The following RTN4 variants were observed in gnomAD, a reference collection of about 807,000 sequenced individuals.
The protein encoded by RTN4 is reticulon 4.
A neutral mutation model predicts 90.4 loss-of-function variants in RTN4; 32 were observed. That is an observed-to-expected ratio of 0.35 (90% CI 0.27 to 0.48). The LOEUF (loss-of-function observed/expected upper bound fraction) is 0.48. Among genes scored for constraint, RTN4 ranks in the 20% least tolerant of loss-of-function variants. The pLI, the probability that RTN4 is intolerant of heterozygous loss-of-function variation, is 0.99. For synonymous variants in RTN4, 629 were observed against 552.5 expected, an observed-to-expected ratio of 1.14 and a Z score of -1.94; for missense variants, 1,706 against 1,430.2, an observed-to-expected ratio of 1.19 and a Z score of -3.11.
At position 55,026,961 on chromosome 2, in the gene RTN4, T is replaced by C. The variant is rs749220120; in HGVS notation, c.1138A>G (p.Met380Val). Residue 380 changes from methionine (M) to valine (V), a missense_variant, in exon 3 of 9, where the codon ATG becomes GTG. Transcript: ENST00000337526. ...TTGAAGTCTGCATATTCCTCCCTCA[T>C]AGGAGCTTCCACTGCAACTCTCTTT... is the stretch of plus-strand genomic sequence containing the variant. ...NEKRVAVEAPMREEYADFKPF... is the reference protein window; with the variant it reads ...NEKRVAVEAPVREEYADFKPF... 7 of 1,613,538 alleles carry C rather than the reference T, an allele frequency of 4.3e-6. No individual in the cohort carries two copies. Among genetic ancestry groups the C allele is most frequent in the East Asian group, 2.2e-5 (1 of 44,878 alleles).
At chr2:55,098,919 T>G (rs1667801241) in intron 1 of RTN4, among the ~76,000 whole-genome samples, 1 of 152,156 alleles carries the variant, frequency 6.6e-6, no homozygotes. Flanking sequence ...ACAAGAAACT[T>G]GGTAAGATTT....
chr2:55,064,413 T>C (rs1443960558), intron 2 of RTN4, among the ~76,000 whole-genome samples: 2 of 149,170 alleles, frequency 1.3e-5, no homozygotes, highest in Non-Finnish European at 3.0e-5. Context: ...CAGTGGCACT[T>C]GATCTCGGCT....
intron 1 of RTN4, among the ~76,000 whole-genome samples, chr2:55,081,496 A>T (rs1343171122): frequency 1.3e-5 from 2 of 152,156 alleles, no homozygotes; most frequent in African/African-American, 4.8e-5. Flanking sequence ...TGCCATTATG[A>T]ATACTAAACA....
intron 1 of RTN4, among the ~76,000 whole-genome samples, chr2:55,036,324 G>T (rs1026279666): frequency 6.6e-6 from 1 of 152,048 alleles, no homozygotes; most frequent in African/African-American, 2.4e-5. Context: ...ACAATAGGTC[G>T]CACGCAGTGG....
Position 55,071,415 on chromosome 2 carries a change from C to G in RTN4, c.-63+9074G>C, listed in dbSNP as rs13390380. Among the ~76,000 whole-genome samples, 19 of 152,016 alleles carry G rather than the reference C, an allele frequency of 1.2e-4. 1 individual carries two copies. Among genetic ancestry groups the G allele is most frequent in the African/African-American group, 4.6e-4 (19 of 41,398 alleles). On this transcript the variant is annotated intron_variant, in intron 2 of 3. Coordinates refer to the RTN4 transcript ENST00000427710. ...TAAAAGAAAATGTAACCAGACATAA[C>G]TAAGTCATTACGGTCTTTTCAGAAA...
At chr2:55,102,375 T>C (rs1170745277) in intron 1 of RTN4, among the ~76,000 whole-genome samples, 2 of 152,186 alleles carry the variant, frequency 1.3e-5, no homozygotes, top group Non-Finnish European at 2.9e-5. Context: ...TGGACCATGC[T>C]GTCTCTGCCA....
intron 3 of RTN4, among the ~76,000 whole-genome samples, chr2:54,992,821 G>A (rs994751426): frequency 2.6e-5 from 4 of 151,976 alleles, no homozygotes; most frequent in South Asian, 2.1e-4. Context: ...TGTAATCTCA[G>A]CACTTTAGAA....
chr2:55,046,718 T>C (rs1667763674), intron 1 of RTN4: 1 of 152,202 alleles, frequency 6.6e-6, no homozygotes, highest in Non-Finnish European at 1.5e-5. Context: ...CAATAATGGG[T>C]TGAATTAATG....
At chr2:54,984,630 T>A (rs1176625719) in intron 4 of RTN4, among the ~76,000 whole-genome samples, 1 of 152,240 alleles carries the variant, frequency 6.6e-6, no homozygotes, top group Non-Finnish European at 1.5e-5. Context: ...CTGACATTTA[T>A]GTGATATTAA....
Position 54,990,124 on chromosome 2 carries a change from G to A in RTN4, c.3014-2426C>T, listed in dbSNP as rs1402957735. Among the ~76,000 whole-genome samples, 4 of 152,120 alleles carry A rather than the reference G, an allele frequency of 2.6e-5. No individual in the cohort carries two copies. The South Asian group carries it at 6.2e-4, about 24-fold the overall frequency. On this transcript the variant is annotated intron_variant, in intron 3 of 8. Transcript: ENST00000337526. Reference sequence around the variant, plus strand: ...AGTCACTAAAGTCCTCTATATTTCAGTTTCTTCATCTATAAAATGTATATT... The same window carrying A: ...AGTCACTAAAGTCCTCTATATTTCAATTTCTTCATCTATAAAATGTATATT...
At chr2:55,082,464 G>T (rs1668739944) in intron 1 of RTN4, among the ~76,000 whole-genome samples, 3 of 152,122 alleles carry the variant, frequency 2.0e-5, no homozygotes, top group Admixed American at 2.0e-4. Context: ...TCCCCAGCAA[G>T]CCCAGCCTTG....
chr2:54,974,577 G>T (rs771225233), intron 6 of RTN4, 118 bp downstream of exon 6: 1 of 879,370 alleles, frequency 1.1e-6, no homozygotes, highest in East Asian at 2.6e-5. Context: ...TACCGCGCCC[G>T]GCCCACATTT....
the RTN4 span, among the ~76,000 whole-genome samples, chr2:55,131,133 A>G: frequency 6.6e-6 from 1 of 152,002 alleles, no homozygotes; most frequent in East Asian, 1.9e-4. Flanking sequence ...GCTAGAGTGC[A>G]GTGGTACAAT....
At chr2:55,057,699 G>T (rs1347868305) in intron 2 of RTN4, among the ~76,000 whole-genome samples, 1 of 152,162 alleles carries the variant, frequency 6.6e-6, no homozygotes, top group Non-Finnish European at 1.5e-5. Context: ...ACTAAGAGTA[G>T]TTCACCCAGG....
At chr2:55,118,797 C>T in the RTN4 span, among the ~76,000 whole-genome samples, 1 of 152,198 alleles carries the variant, frequency 6.6e-6, no homozygotes, top group Non-Finnish European at 1.5e-5. Flanking sequence ...GAGGACGCAA[C>T]CGTTCTGTTC....
At chr2:55,065,084 G>A (rs1000588137) in intron 2 of RTN4, among the ~76,000 whole-genome samples, 1 of 152,188 alleles carries the variant, frequency 6.6e-6, no homozygotes, top group Admixed American at 6.5e-5. Context: ...TATGTTACTG[G>A]TTGATATCTG....
intron 4 of RTN4, among the ~76,000 whole-genome samples, chr2:54,984,984 A>C (rs1370395590): frequency 2.6e-5 from 4 of 152,120 alleles, no homozygotes; most frequent in Admixed American, 6.5e-5. Context: ...CTAAGAAGGA[A>C]ATAAATCACT....
At position 55,026,121 on chromosome 2, in the gene RTN4, C is replaced by G. The variant is rs373548844; in HGVS notation, c.1978G>C (p.Glu660Gln). 6.2e-7 allele frequency: 1 copy of G among 1,613,444 alleles called. No homozygotes were observed. The highest frequency in any genetic ancestry group is 8.5e-7 in the Non-Finnish European group (1 of 1,179,798). ...TTTAGTGATACACTCATGGCCTCTT[C>G]ATATGGTGGGGGGTTTTCAGGCTCA... ...KHEPENPPPYEEAMSVSLKKV... is the reference protein window; with the variant it reads ...KHEPENPPPYQEAMSVSLKKV... Residue 660 changes from glutamate to glutamine, a missense_variant, in exon 3 of 9, where the codon GAA becomes CAA. By Grantham distance (29) the Glu-to-Gln change is conservative. Transcript: ENST00000337526.
intron 2 of RTN4, among the ~76,000 whole-genome samples, chr2:55,067,563 C>T (rs1410876259): frequency 6.6e-6 from 1 of 152,088 alleles, no homozygotes; most frequent in African/African-American, 2.4e-5. Context: ...CAGGCATATG[C>T]CACCACACCG....
Sources: gnomAD v4.1 joint callset for allele counts (sites outside exome capture counted in the v4.1 genomes callset) on GRCh38, gnomAD v4.1.1 for gene constraint, MANE v1.5 for transcripts, NCBI Gene and HGNC (gene_info 2026-07-23, HGNC 2026-07-21) for gene names.